Variants in RBFOX1 observed in about 807,000 individuals in gnomAD.
RBFOX1 encodes the protein RNA binding protein fox-1 homolog 1.
In RBFOX1, 8 loss-of-function variants were observed where a neutral mutation model predicts 57.7. The ratio of observed to expected loss-of-function variants is 0.14; its 90% CI spans 0.08 to 0.25. RBFOX1 has a LOEUF of 0.25. Ranked by LOEUF, RBFOX1 falls within the 10% of genes least tolerant of loss-of-function variation. RBFOX1 has a pLI of 1.00. For missense variants in RBFOX1, 611 were observed against 548.5 expected, an observed-to-expected ratio of 1.11 and a Z score of -1.14; for synonymous variants, 326 against 222.4, an observed-to-expected ratio of 1.47 and a Z score of -4.15.
chr16:7,710,547 C>T (rs944453278), intron 15 of RBFOX1, 76 bp from the exon 16 acceptor site: 8 of 1,589,678 alleles, frequency 5.0e-6, no homozygotes, highest in African/African-American at 4.1e-5. Flanking sequence ...CTATTTTTCA[C>T]ATTAGTCTTT....
chr16:6,206,067 A>G (rs2097253487), intron 1 of RBFOX1, among the ~76,000 whole-genome samples: 1 of 152,030 alleles, frequency 6.6e-6, no homozygotes, highest in African/African-American at 2.4e-5. Flanking sequence ...ATGAGGCTGA[A>G]AAGTATTCAG....
chr16:5,692,165 C>CTG (rs199585814), intron 3 of RBFOX1, among the ~76,000 whole-genome samples: 832 of 22,858 alleles, frequency 0.036, 7 homozygotes, highest in Non-Finnish European at 0.16. Flanking sequence ...TAGGGACTGA[C>CTG]TGTGTGTGTG....
chr16:6,598,529 C>G (rs777230724), intron 2 of RBFOX1, among the ~76,000 whole-genome samples: 1 of 152,096 alleles, frequency 6.6e-6, no homozygotes. Flanking sequence ...ATGATTATTC[C>G]AATATTAAGC....
chr16:7,285,222 G>A (rs2095626035), intron 4 of RBFOX1, among the ~76,000 whole-genome samples: 2 of 151,468 alleles, frequency 1.3e-5, no homozygotes, highest in African/African-American at 4.9e-5. Context: ...ACATGCAGCT[G>A]TAAGGAATAA....
intron 4 of RBFOX1, among the ~76,000 whole-genome samples, chr16:7,483,341 G>C (rs2064509491): frequency 6.6e-6 from 1 of 152,188 alleles, no homozygotes; most frequent in Non-Finnish European, 1.5e-5. Context: ...TCCCAGATCA[G>C]ACTTACTGAA....
At chr16:6,336,700 G>A (rs1296651114) in intron 2 of RBFOX1, among the ~76,000 whole-genome samples, 1 of 152,124 alleles carries the variant, frequency 6.6e-6, no homozygotes, top group Admixed American at 6.5e-5. Context: ...AGGTGGGGGG[G>A]AAATTGGATG....
At position 5,473,214 on chromosome 16, in the gene RBFOX1, A is replaced by G. The variant is rs143353983; in HGVS notation, c.258+5960A>G. Among the ~76,000 whole-genome samples, 24 of 152,250 alleles carry G rather than the reference A, an allele frequency of 1.6e-4. No individual in the cohort carries two copies. In the East Asian group the frequency reaches 3.7e-3, roughly 23 times the overall value. On this transcript the variant is annotated intron_variant, in intron 2 of 2. Coordinates refer to the RBFOX1 transcript ENST00000585867. The stretch of plus-strand genomic sequence containing the variant: ...TTACATGATTTCTTCCCACAAAAAT[A>G]TATGCTCCCCAAGAAATATGTCTCA...
intron 4 of RBFOX1, among the ~76,000 whole-genome samples, chr16:7,227,489 TAA>T (rs2093214238): frequency 6.6e-6 from 1 of 152,164 alleles, no homozygotes; most frequent in Non-Finnish European, 1.5e-5. Context: ...GTTATTTATC[TAA>T]CTGTCTCTAC....
rs368379085 is a variant in RBFOX1 at position 6,271,528 on chromosome 16, C to T, written c.-126-45467C>T. ...GAGGAAAATCAGTACAAAGAAGAAG[C>T]TGGCTTTTTGAACAGATGAGTAAGA... On this transcript the variant is annotated intron_variant, in intron 1 of 15. Transcript: ENST00000550418. Among the ~76,000 whole-genome samples the T allele has an allele frequency of 2.4e-4, 37 of 152,116 alleles. 2 individuals carry two copies. Among genetic ancestry groups the T allele is most frequent in the Admixed American group, 1.1e-3 (17 of 15,274 alleles).
At chr16:7,559,741 G>A (rs3938021) in intron 5 of RBFOX1, among the ~76,000 whole-genome samples, 23,050 of 152,158 alleles carry the variant, frequency 0.15, 1,955 homozygotes, top group South Asian at 0.29. Flanking sequence ...CGGGCCTTTC[G>A]CTTTTCATCT....
intron 3 of RBFOX1, among the ~76,000 whole-genome samples, chr16:6,946,765 A>C (rs567455045): frequency 4.1e-4 from 62 of 152,148 alleles, no homozygotes; most frequent in African/African-American, 1.4e-3. Flanking sequence ...ACTCTGCCCA[A>C]CTAATTATTT....
At chr16:6,186,914 A>G (rs1002247868) in intron 1 of RBFOX1, among the ~76,000 whole-genome samples, 1 of 152,156 alleles carries the variant, frequency 6.6e-6, no homozygotes, top group African/African-American at 2.4e-5. Flanking sequence ...TCTTCGCTCA[A>G]TACTCTCGTG....
At chr16:5,513,013 T>G (rs975450254) in intron 2 of RBFOX1, among the ~76,000 whole-genome samples, 6 of 152,128 alleles carry the variant, frequency 3.9e-5, no homozygotes, top group Middle Eastern at 3.2e-3. Context: ...CCTCCTAGGC[T>G]CAAACGATCC....
intron 2 of RBFOX1, among the ~76,000 whole-genome samples, chr16:6,603,423 C>G (rs2097881303): frequency 6.6e-6 from 1 of 152,148 alleles, no homozygotes; most frequent in Non-Finnish European, 1.5e-5. Context: ...CTGCACAAAA[C>G]AAAAATCTTT....
intron 3 of RBFOX1, among the ~76,000 whole-genome samples, chr16:6,703,571 G>C (rs796735122): frequency 4.6e-5 from 7 of 152,192 alleles, no homozygotes; most frequent in African/African-American, 1.7e-4. Flanking sequence ...AAAGCCTGGT[G>C]TGGTGTTGCA....
At chr16:7,004,341 A>G (rs1025177627) in intron 3 of RBFOX1, among the ~76,000 whole-genome samples, 5 of 152,148 alleles carry the variant, frequency 3.3e-5, no homozygotes, top group Non-Finnish European at 5.9e-5. Context: ...AAACTCCTCA[A>G]CATCAGGGTA....
intron 2 of RBFOX1, among the ~76,000 whole-genome samples, chr16:6,367,982 C>G (rs1157057347): frequency 6.6e-6 from 1 of 152,178 alleles, no homozygotes; most frequent in East Asian, 1.9e-4. Context: ...AGAAGTAGCA[C>G]AAAGTAAGAT....
At chr16:5,551,757 A>G (rs1188937474) in intron 2 of RBFOX1, among the ~76,000 whole-genome samples, 3 of 151,938 alleles carry the variant, frequency 2.0e-5, no homozygotes, top group East Asian at 3.9e-4. Flanking sequence ...CCCCACATGT[A>G]TTATGTATTT....
At chr16:6,502,429 A>C (rs2153183747) in intron 2 of RBFOX1, among the ~76,000 whole-genome samples, 1 of 152,308 alleles carries the variant, frequency 6.6e-6, no homozygotes. Context: ...GACCTTGGGC[A>C]AGTTATTTAA....
Sources: gnomAD v4.1 joint callset for allele counts (sites outside exome capture counted in the v4.1 genomes callset) on GRCh38, gnomAD v4.1.1 for gene constraint, MANE v1.5 for transcripts, NCBI Gene and HGNC (gene_info 2026-07-23, HGNC 2026-07-21) for gene names.